The following CACHD1 variants were observed in gnomAD, a reference collection of about 807,000 sequenced individuals.
The protein encoded by CACHD1 is cache domain containing 1.
In CACHD1, 71 loss-of-function variants were observed where a neutral mutation model predicts 138.7. The ratio of observed to expected loss-of-function variants is 0.51; its 90% CI spans 0.42 to 0.62. The LOEUF (loss-of-function observed/expected upper bound fraction) is 0.62, where lower values mean the gene tolerates loss of function less well. CACHD1 is among the 20% of genes least tolerant of loss of function. CACHD1 has a pLI of 0.00. For missense variants in CACHD1, 1,389 were observed against 1,625.3 expected, an observed-to-expected ratio of 0.85 and a Z score of 2.50; for synonymous variants, 578 against 591.5, an observed-to-expected ratio of 0.98 and a Z score of 0.33.
At chr1:64,622,032 T>C (rs1302053007) in intron 4 of CACHD1, among the ~76,000 whole-genome samples, 1 of 152,166 alleles carries the variant, frequency 6.6e-6, no homozygotes, top group African/African-American at 2.4e-5. Flanking sequence ...TTTACCAGGG[T>C]CTTTTTTCTA....
intron 2 of CACHD1, among the ~76,000 whole-genome samples, chr1:64,560,796 A>C (rs760393469): frequency 2.6e-5 from 4 of 152,096 alleles, no homozygotes; most frequent in Non-Finnish European, 5.9e-5. Context: ...GGGATGTTAA[A>C]ATCTTCAACT....
intron 25 of CACHD1, among the ~76,000 whole-genome samples, chr1:64,681,541 G>GGTTTTTTTTTGTTTTTTTTTTTTTTTT (rs1553146851): frequency 2.9e-5 from 2 of 68,132 alleles, no homozygotes; most frequent in African/African-American, 1.5e-4. Flanking sequence ...ATTTTATTGT[G>GGTTTTTTTTTGTTTTTTTTTTTTTTTT]TTTTTTTTTT....
At chr1:64,524,969 T>C (rs1264158087) in intron 1 of CACHD1, among the ~76,000 whole-genome samples, 3 of 152,150 alleles carry the variant, frequency 2.0e-5, no homozygotes, top group African/African-American at 7.2e-5. Context: ...CAAGGTTGCA[T>C]TGCTAGTGAG....
At chr1:64,594,411 A>G (rs1385459455) in intron 3 of CACHD1, among the ~76,000 whole-genome samples, 1 of 152,172 alleles carries the variant, frequency 6.6e-6, no homozygotes, top group African/African-American at 2.4e-5. Context: ...ATGCTAAACT[A>G]TGTGTTCCTT....
chr1:64,691,948 C>T lies in CACHD1; in HGVS notation c.*387C>T, dbSNP rs1244432569. On this transcript the variant is annotated 3_prime_UTR_variant, in exon 27 of 27. Coordinates refer to ENST00000651257, the MANE Select transcript of CACHD1 (RefSeq NM_020925.4). The stretch of plus-strand genomic sequence containing the variant: ...ACTGGAAGAGAGAAAAATCTGCTCA[C>T]CCAGAGACTGGAATGTGGCACATGC... The T allele has an allele frequency of 8.5e-6, 2 of 236,346 alleles. No homozygotes were observed. Among genetic ancestry groups the T allele is most frequent in the Admixed American group, 5.0e-5 (1 of 19,950 alleles). 14.6% of individuals were successfully genotyped at this position (236,346 alleles called of 1,614,324 possible).
chr1:64,662,814 T>C (rs1255977870), intron 13 of CACHD1, among the ~76,000 whole-genome samples: 3 of 152,238 alleles, frequency 2.0e-5, no homozygotes, highest in Admixed American at 2.0e-4. Context: ...AATTACTATA[T>C]TTCTAGAAGC....
At chr1:64,606,031 A>G (rs1006165735) in intron 4 of CACHD1, among the ~76,000 whole-genome samples, 1 of 152,146 alleles carries the variant, frequency 6.6e-6, no homozygotes, top group Non-Finnish European at 1.5e-5. Context: ...AAGTACAACT[A>G]GAAGTCATTT....
At chr1:64,643,610 G>A (rs1329132337) in intron 8 of CACHD1, among the ~76,000 whole-genome samples, 1 of 152,200 alleles carries the variant, frequency 6.6e-6, no homozygotes, top group East Asian at 1.9e-4. Context: ...GCCAAGGCGG[G>A]CGGATCACGA....
intron 3 of CACHD1, among the ~76,000 whole-genome samples, chr1:64,583,183 C>G (rs1247586559): frequency 6.6e-6 from 1 of 152,096 alleles, no homozygotes; most frequent in African/African-American, 2.4e-5. Flanking sequence ...CAAGTTTTTA[C>G]TTATTATGAT....
chr1:64,602,916 A>G lies in CACHD1; in HGVS notation c.517+4A>G, dbSNP rs1236664373. ...CCAGGACGAGACTTAAATTCAGGTC[A>G]GTAATCCATTGGCTTTATAAAGATG... On this transcript the variant is annotated splice_donor_region_variant and intron_variant, in intron 4 of 26. Coordinates refer to ENST00000651257, the MANE Select transcript of CACHD1 (RefSeq NM_020925.4). 4.4e-6 allele frequency: 7 copies of G among 1,578,690 alleles called. No individual in the cohort carries two copies. The highest frequency in any genetic ancestry group is 6.1e-6 in the Non-Finnish European group (7 of 1,147,832).
intron 4 of CACHD1, among the ~76,000 whole-genome samples, chr1:64,619,802 A>G (rs955578142): frequency 5.9e-5 from 9 of 152,132 alleles, no homozygotes; most frequent in Admixed American, 2.0e-4. Context: ...AAGGAGGGGG[A>G]AAAAGCAAGA....
At chr1:64,674,900 T>C (rs1016742059) in intron 19 of CACHD1, among the ~76,000 whole-genome samples, 4 of 152,234 alleles carry the variant, frequency 2.6e-5, no homozygotes, top group Non-Finnish European at 5.9e-5. Flanking sequence ...TATTTAAATA[T>C]TCTAGAAGCA....
At chr1:64,642,057 T>C (rs1250259364) in intron 8 of CACHD1, 88 bp downstream of exon 8, 1 of 1,220,556 alleles carries the variant, frequency 8.2e-7, no homozygotes, top group Non-Finnish European at 1.1e-6. Context: ...ATCATAACAG[T>C]GTGCTTGGAT....
intron 26 of CACHD1, 81 bp downstream of exon 26, chr1:64,682,187 A>C: frequency 7.7e-7 from 1 of 1,292,908 alleles, no homozygotes; most frequent in Non-Finnish European, 1.1e-6. Flanking sequence ...CTATTTTGAC[A>C]TGGTTTTCCA....
chr1:64,603,767 G>A (rs1052163797), intron 4 of CACHD1, among the ~76,000 whole-genome samples: 3 of 152,164 alleles, frequency 2.0e-5, no homozygotes, highest in Admixed American at 2.0e-4. Flanking sequence ...TAGCTCCAAA[G>A]TGACCTGATA....
Position 64,479,376 on chromosome 1 carries a change from G to A in CACHD1, c.198+8434G>A, listed in dbSNP as rs906839977. 3.3e-5 allele frequency among the ~76,000 whole-genome samples: 5 copies of A among 152,200 alleles called. No homozygotes were observed. The South Asian group carries it at 1.0e-3, about 32-fold the overall frequency. ...ATGTTAACCTATTTAAGGGCACAGA[G>A]GGATTCTGGCAGGCCTCCCTAAGAA... On this transcript the variant is annotated intron_variant, in intron 1 of 26. Coordinates refer to ENST00000651257, the MANE Select transcript of CACHD1 (RefSeq NM_020925.4).
chr1:64,602,354 C>T (rs1203735685), intron 3 of CACHD1, among the ~76,000 whole-genome samples: 1 of 152,114 alleles, frequency 6.6e-6, no homozygotes, highest in Non-Finnish European at 1.5e-5. Flanking sequence ...CTAGACCATT[C>T]CTACTCCACA....
At chr1:64,584,795 C>T (rs1002571841) in intron 3 of CACHD1, among the ~76,000 whole-genome samples, 3 of 152,024 alleles carry the variant, frequency 2.0e-5, no homozygotes, top group South Asian at 2.1e-4. Flanking sequence ...GATATAGGAA[C>T]GAGTAAGAAG....
intron 1 of CACHD1, among the ~76,000 whole-genome samples, chr1:64,484,026 T>C (rs755715170): frequency 5.9e-5 from 9 of 152,164 alleles, no homozygotes; most frequent in Non-Finnish European, 1.2e-4. Flanking sequence ...CATTGTTTCC[T>C]ACCCTGTTTC....
Sources: allele counts gnomAD v4.1 joint callset (sites outside exome capture counted in the v4.1 genomes callset), GRCh38; gene constraint gnomAD v4.1.1; transcripts MANE v1.5; gene names NCBI Gene and HGNC (gene_info 2026-07-23, HGNC 2026-07-21).